The following TMC7 variants were observed in gnomAD, a reference collection of about 807,000 sequenced individuals.
TMC7 encodes transmembrane channel-like protein 7.
A neutral mutation model predicts 82.9 loss-of-function variants in TMC7; 54 were observed. The ratio of observed to expected loss-of-function variants is 0.65; its 90% CI spans 0.52 to 0.82. The LOEUF (loss-of-function observed/expected upper bound fraction) is 0.82, where lower values mean the gene tolerates loss of function less well. TMC7 is among the 40% of genes least tolerant of loss of function. TMC7 has a pLI of 0.00. For synonymous variants in TMC7, 350 were observed against 337.9 expected, an observed-to-expected ratio of 1.04 and a Z score of -0.39; for missense variants, 820 against 901.2, an observed-to-expected ratio of 0.91 and a Z score of 1.15.
At chr16:19,043,563 A>ATTATTTAT (rs71143823) in intron 9 of TMC7, among the ~76,000 whole-genome samples, 28 of 150,946 alleles carry the variant, frequency 1.9e-4, no homozygotes, top group East Asian at 9.7e-4. Flanking sequence ...GCATTTGCTT[A>ATTATTTAT]TTATTTATTT....
intron 9 of TMC7, 64 bp from the exon 10 acceptor site, chr16:19,044,820 G>A: frequency 1.1e-6 from 1 of 889,018 alleles, no homozygotes; most frequent in Non-Finnish European, 1.8e-6. Context: ...CCTAGCCCCA[G>A]TTCCAAGGGA....
intron 9 of TMC7, among the ~76,000 whole-genome samples, chr16:19,042,772 A>G (rs147995706): frequency 0.019 from 2,896 of 150,754 alleles, 80 homozygotes; most frequent in African/African-American, 0.067. Context: ...TTCGAGACGG[A>G]GTCTCGCTCT....
rs181197456 is a variant in TMC7, at chr16:19,037,249, A to C, written c.1006-625A>C. Among the ~76,000 whole-genome samples the C allele has an allele frequency of 2.7e-3, 412 of 151,266 alleles. 4 individuals are homozygous for C. Among genetic ancestry groups the C allele is most frequent in the African/African-American group, 9.6e-3 (396 of 41,270 alleles). On this transcript the variant is annotated intron_variant, in intron 7 of 15. Coordinates refer to ENST00000304381, the MANE Select transcript of TMC7 (RefSeq NM_024847.4). ...CTAAAATTACAAAAATTAGCTGGGC[A>C]TGGTGGTGCATGCCTGTAATCCTAG... is the stretch of plus-strand genomic sequence containing the variant.
At chr16:19,025,937 T>C (rs1301228598) in intron 5 of TMC7, among the ~76,000 whole-genome samples, 1 of 151,850 alleles carries the variant, frequency 6.6e-6, no homozygotes, top group African/African-American at 2.4e-5. Flanking sequence ...TGTGTGTGTG[T>C]ATGTGCGTGT....
Position 19,028,991 on chromosome 16 carries a change from T to A in TMC7, c.712-1233T>A, listed in dbSNP as rs191441517. 9.7e-3 allele frequency among the ~76,000 whole-genome samples: 1,441 copies of A among 149,004 alleles called. 33 individuals carry two copies. Among genetic ancestry groups the A allele is most frequent in the African/African-American group, 0.033 (1,356 of 40,588 alleles). On this transcript the variant is annotated intron_variant, in intron 5 of 15. Coordinates refer to ENST00000304381, the MANE Select transcript of TMC7 (RefSeq NM_024847.4). ...TTTTAAAAAAAAATTTTTAATTGTT[T>A]TATTTTATTTTATTTATTTATTTAT...
At chr16:18,989,684 G>A (rs532560453) in intron 1 of TMC7, among the ~76,000 whole-genome samples, 34 of 151,114 alleles carry the variant, frequency 2.2e-4, no homozygotes, top group South Asian at 1.9e-3. Flanking sequence ...CAAGCGAGAC[G>A]CACTAAACGG....
At chr16:19,041,673 A>T (rs954130347) in intron 9 of TMC7, among the ~76,000 whole-genome samples, 1 of 151,966 alleles carries the variant, frequency 6.6e-6, no homozygotes, top group Non-Finnish European at 1.5e-5. Context: ...TGCCCAGCCA[A>T]CTTCATTATA....
intron 1 of TMC7, among the ~76,000 whole-genome samples, chr16:19,006,693 C>T (rs532086890): frequency 1.2e-4 from 19 of 152,292 alleles, no homozygotes; most frequent in East Asian, 3.9e-4. Flanking sequence ...GCATCAGGGA[C>T]GATGCAGGGC....
chr16:19,021,070 T>C (rs151044939), intron 3 of TMC7, among the ~76,000 whole-genome samples: 142 of 152,228 alleles, frequency 9.3e-4, no homozygotes, highest in Middle Eastern at 6.8e-3. Flanking sequence ...TTTTATGTAA[T>C]CCCAATCAGA....
chr16:19,052,294 T>C (rs1961575711), intron 13 of TMC7, among the ~76,000 whole-genome samples: 1 of 152,150 alleles, frequency 6.6e-6, no homozygotes, highest in African/African-American at 2.4e-5. Flanking sequence ...CAAGCGATCT[T>C]CTTCCCTCAG....
At chr16:18,989,413 GT>G (rs944041010) in intron 1 of TMC7, among the ~76,000 whole-genome samples, 6 of 151,866 alleles carry the variant, frequency 4.0e-5, no homozygotes, top group Non-Finnish European at 7.4e-5. Context: ...TTTTTTGTTT[GT>G]TTTTTTCAGG....
At chr16:18,988,257 C>T (rs2038888872) in intron 1 of TMC7, among the ~76,000 whole-genome samples, 1 of 150,470 alleles carries the variant, frequency 6.6e-6, no homozygotes, top group South Asian at 2.1e-4. Context: ...TGGGTTCAAT[C>T]CATTCTCCTG....
In TMC7 at chr16:19,042,366, G is replaced by C. The variant is rs558840136; in HGVS notation, c.1337+1920G>C. 3.7e-4 allele frequency among the ~76,000 whole-genome samples: 56 copies of C among 151,986 alleles called. 1 individual carries two copies. The highest frequency in any genetic ancestry group is 7.2e-4 in the Non-Finnish European group (49 of 67,972). On this transcript the variant is annotated intron_variant, in intron 9 of 15. Coordinates refer to ENST00000304381, the MANE Select transcript of TMC7 (RefSeq NM_024847.4). ...ATTTTTAAATTTTTTGTAGAGACAG[G>C]ATCTCCTCACGTTGCCCAGGCTGTT...
At chr16:19,041,288 C>G (rs903047619) in intron 9 of TMC7, among the ~76,000 whole-genome samples, 4 of 152,146 alleles carry the variant, frequency 2.6e-5, no homozygotes, top group Non-Finnish European at 5.9e-5. Flanking sequence ...AATCTCGTTT[C>G]CATCCATTCC....
At chr16:19,036,255 A>G (rs543308485) in intron 7 of TMC7, among the ~76,000 whole-genome samples, 11 of 152,152 alleles carry the variant, frequency 7.2e-5, no homozygotes, top group Non-Finnish European at 1.3e-4. Context: ...TATGCCTGTA[A>G]TCCCAGCACT....
intron 6 of TMC7, among the ~76,000 whole-genome samples, chr16:19,031,259 G>A (rs1051895501): frequency 2.0e-5 from 3 of 152,162 alleles, no homozygotes; most frequent in African/African-American, 7.2e-5. Flanking sequence ...CAGGTTCCCA[G>A]CCGTGACCCT....
At chr16:19,034,236 G>A (rs888321368) in intron 6 of TMC7, among the ~76,000 whole-genome samples, 4 of 152,180 alleles carry the variant, frequency 2.6e-5, no homozygotes, top group African/African-American at 7.2e-5. Flanking sequence ...TTTAGTTAGA[G>A]TAAGGAGTTA....
At chr16:18,994,495 G>C (rs1186565190) in intron 1 of TMC7, among the ~76,000 whole-genome samples, 1 of 152,054 alleles carries the variant, frequency 6.6e-6, no homozygotes, top group African/African-American at 2.4e-5. Flanking sequence ...CTGTACTTTG[G>C]CTGTGTGTAA....
At chr16:19,025,248 C>T (rs77054395) in intron 5 of TMC7, among the ~76,000 whole-genome samples, 2,666 of 152,246 alleles carry the variant, frequency 0.018, 77 homozygotes, top group African/African-American at 0.061. Flanking sequence ...ATGAGAACCA[C>T]TGCTCTAGGT....
Sources: gnomAD v4.1 joint callset for allele counts (sites outside exome capture counted in the v4.1 genomes callset) on GRCh38, gnomAD v4.1.1 for gene constraint, MANE v1.5 for transcripts, NCBI Gene and HGNC (gene_info 2026-07-23, HGNC 2026-07-21) for gene names.